Variants in PCLO observed in about 807,000 individuals in gnomAD.
PCLO encodes piccolo presynaptic cytomatrix protein, also known as protein piccolo.
In PCLO, 82 loss-of-function variants were observed where a neutral mutation model predicts 427.5. The ratio of observed to expected loss-of-function variants is 0.19; its 90% CI spans 0.16 to 0.23. The LOEUF is 0.23. Ranked by LOEUF, PCLO falls within the 10% of genes least tolerant of loss-of-function variation. The pLI is 1.00. For missense variants in PCLO, 6,239 were observed against 6,115.9 expected (o/e 1.02, Z -0.67); for synonymous variants, 2,357 against 2,155.4 (o/e 1.09, Z -2.59).
chr7:83,038,484 C>T (rs940570750), intron 3 of PCLO, among the ~76,000 whole-genome samples: 3 of 151,772 alleles, frequency 2.0e-5, no homozygotes, highest in African/African-American at 7.3e-5. Flanking sequence ...ATAAAATATG[C>T]AGTCTTTTTT....
chr7:82,862,406 C>G (rs1043819306), intron 10 of PCLO, among the ~76,000 whole-genome samples: 3 of 151,650 alleles, frequency 2.0e-5, no homozygotes, highest in Admixed American at 6.6e-5. Context: ...CCTCACAAAA[C>G]TAAACATTGA....
At chr7:82,918,093 T>C (rs999819066) in intron 6 of PCLO, among the ~76,000 whole-genome samples, 1 of 152,000 alleles carries the variant, frequency 6.6e-6, no homozygotes, top group Non-Finnish European at 1.5e-5. Context: ...AGACTTAAAA[T>C]ATTTGGATGG....
chr7:83,148,254 A>C (rs779107665), intron 2 of PCLO, among the ~76,000 whole-genome samples: 18 of 152,172 alleles, frequency 1.2e-4, no homozygotes, highest in Non-Finnish European at 2.6e-4. Flanking sequence ...TATCAATTTC[A>C]GACTGTAATC....
At chr7:83,118,481 C>T (rs1041850815) in intron 3 of PCLO, among the ~76,000 whole-genome samples, 2 of 152,002 alleles carry the variant, frequency 1.3e-5, no homozygotes, top group African/African-American at 2.4e-5. Context: ...CTGACAACAC[C>T]TCCCTCCCAC....
At position 82,994,394 on chromosome 7, in the gene PCLO, AG is replaced by A. The variant is rs144817678; in HGVS notation, c.3301-27908del. Among the ~76,000 whole-genome samples the A allele has an allele frequency of 3.2e-3, 485 of 152,078 alleles. 18 individuals carry two copies. In the East Asian group the frequency reaches 0.079, roughly 25 times the overall value. On this transcript the variant is annotated intron_variant, in intron 3 of 24. Transcript: ENST00000333891. Reference sequence around the variant, plus strand: ...TATTCAGGAAAGGAAAGTCTTCCAAAGGAAGTGACGTAAGAGCTAAGAATTA... The same window carrying A: ...TATTCAGGAAAGGAAAGTCTTCCAAAGAAGTGACGTAAGAGCTAAGAATTA...
chr7:83,101,775 T>G (rs1473627701), intron 3 of PCLO, among the ~76,000 whole-genome samples: 1 of 152,158 alleles, frequency 6.6e-6, no homozygotes, highest in East Asian at 1.9e-4. Context: ...TATCACGCAC[T>G]GCAAAAAATT....
At chr7:82,918,239 T>C (rs1395774407) in intron 6 of PCLO, among the ~76,000 whole-genome samples, 1 of 151,998 alleles carries the variant, frequency 6.6e-6, no homozygotes, top group Non-Finnish European at 1.5e-5. Flanking sequence ...TGTCATTTAT[T>C]TCTTCCTACT....
intron 3 of PCLO, among the ~76,000 whole-genome samples, chr7:83,014,681 A>AT (rs1453266769): frequency 2.0e-5 from 3 of 152,078 alleles, no homozygotes; most frequent in Admixed American, 6.6e-5. Context: ...GTTCCCAGAC[A>AT]TTGACTATTC....
At chr7:82,763,708 G>A (rs2129467626) in intron 22 of PCLO, among the ~76,000 whole-genome samples, 1 of 152,028 alleles carries the variant, frequency 6.6e-6, no homozygotes, top group African/African-American at 2.4e-5. Context: ...AACTAATACT[G>A]TAGTCCAAAA....
At chr7:83,147,126 T>C (rs1402131374) in intron 2 of PCLO, among the ~76,000 whole-genome samples, 2 of 151,182 alleles carry the variant, frequency 1.3e-5, no homozygotes, top group African/African-American at 4.9e-5. Context: ...ATAATATTAA[T>C]ATTACATATA....
At chr7:83,047,373 C>T (rs1295141126) in intron 3 of PCLO, among the ~76,000 whole-genome samples, 2 of 151,784 alleles carry the variant, frequency 1.3e-5, no homozygotes, top group Non-Finnish European at 2.9e-5. Context: ...ATAGTTTATA[C>T]CTTAAGCCAA....
chr7:82,806,833 CTCT>C (rs1448596269), intron 20 of PCLO, among the ~76,000 whole-genome samples: 1 of 152,224 alleles, frequency 6.6e-6, no homozygotes, highest in Non-Finnish European at 1.5e-5. Context: ...CAGTAACTTA[CTCT>C]TCTTCCTCTT....
Position 82,951,280 on chromosome 7 carries a change from A to G in PCLO, c.9308T>C (p.Ile3103Thr). 1 of 1,613,518 alleles carries G rather than the reference A, an allele frequency of 6.2e-7. No individual in the cohort carries two copies. The highest frequency in any genetic ancestry group is 8.5e-7 in the Non-Finnish European group (1 of 1,179,714). ...GAAAATGGAGCCAGGTTGTGTGGTG[A>G]TAGCAAATGTAGAGGGTGTTGGAGT... ...VATPTPSTFA[I>T]TTQPGSIFST... is the part of the protein sequence containing the mutation. The change falls in exon 6 of 25, where the codon ATC (isoleucine) becomes ACC (threonine). Residue 3103 changes from isoleucine to threonine, a missense_variant. Physicochemically the swap from Ile to Thr is moderately conservative, Grantham distance 89 (BLOSUM62 -1). Coordinates refer to ENST00000333891, the MANE Select transcript of PCLO (RefSeq NM_033026.6).
At chr7:83,135,879 C>G (rs1355936866) in intron 2 of PCLO, among the ~76,000 whole-genome samples, 1 of 151,990 alleles carries the variant, frequency 6.6e-6, no homozygotes, top group Admixed American at 6.6e-5. Flanking sequence ...GTGAGTGGAT[C>G]ACAAGGTCAG....
intron 3 of PCLO, among the ~76,000 whole-genome samples, chr7:83,025,860 C>T (rs1271138857): frequency 2.0e-5 from 3 of 151,892 alleles, no homozygotes; most frequent in Non-Finnish European, 4.4e-5. Flanking sequence ...AACTAAGCTT[C>T]ATAAGTGAAG....
chr7:83,132,861 G>C (rs2116607759), intron 3 of PCLO, among the ~76,000 whole-genome samples: 1 of 152,002 alleles, frequency 6.6e-6, no homozygotes, highest in South Asian at 2.1e-4. Context: ...TTTCTCTCAT[G>C]AATTGACAAC....
intron 1 of PCLO, among the ~76,000 whole-genome samples, chr7:83,157,494 T>G (rs1230615846): frequency 1.3e-5 from 2 of 152,010 alleles, no homozygotes; most frequent in Non-Finnish European, 2.9e-5. Context: ...AAGATACATC[T>G]TAATGCATAG....
chr7:83,058,912 T>C (rs1277895260), intron 3 of PCLO, among the ~76,000 whole-genome samples: 1 of 152,098 alleles, frequency 6.6e-6, no homozygotes, highest in Non-Finnish European at 1.5e-5. Flanking sequence ...ACAATATTCA[T>C]TTGAGCAAAA....
intron 3 of PCLO, among the ~76,000 whole-genome samples, chr7:83,022,727 T>C (rs2116068007): frequency 6.6e-6 from 1 of 152,312 alleles, no homozygotes; most frequent in South Asian, 2.1e-4. Flanking sequence ...TTTTTAAGCC[T>C]GCAATGAATG....
Sources: gnomAD v4.1 joint callset for allele counts (sites outside exome capture counted in the v4.1 genomes callset) on GRCh38, gnomAD v4.1.1 for gene constraint, MANE v1.5 for transcripts, NCBI Gene and HGNC (gene_info 2026-07-23, HGNC 2026-07-21) for gene names.